Variants in ZNF469 observed in about 807,000 individuals in gnomAD.
The protein encoded by ZNF469 is zinc finger protein 469.
ZNF469 carries 1 observed loss-of-function variant against 1.0 expected under a neutral mutation model. The ratio of observed to expected loss-of-function variants is 1.00; its 90% CI spans 0.35 to 4.73. ZNF469 has a LOEUF of 4.73. ZNF469 is among the 30% of genes most tolerant of loss of function. ZNF469 has a pLI of 0.16. For missense variants in ZNF469, 6,100 were observed against 5,356.3 expected, an observed-to-expected ratio of 1.14 and a Z score of -4.33; for synonymous variants, 2,703 against 2,363.4, an observed-to-expected ratio of 1.14 and a Z score of -4.17.
intron 1 of ZNF469, among the ~76,000 whole-genome samples, chr16:88,401,396 C>T (rs1904847983): frequency 1.0e-5 from 1 of 99,716 alleles, no homozygotes; most frequent in African/African-American, 4.5e-5. Flanking sequence ...TACTTGCAGG[C>T]CCAAGACCCA....
intron 1 of ZNF469, among the ~76,000 whole-genome samples, chr16:88,417,114 T>C (rs1188009435): frequency 6.6e-6 from 1 of 152,158 alleles, no homozygotes; most frequent in Non-Finnish European, 1.5e-5. Context: ...GGAGGACTGT[T>C]TGTCTGCTGG....
chr16:88,270,264 C>G, the ZNF469 span, among the ~76,000 whole-genome samples: 1 of 152,176 alleles, frequency 6.6e-6, no homozygotes, highest in Non-Finnish European at 1.5e-5. Context: ...CTTCGGCCTC[C>G]CAGCCCTGCC....
chr16:88,127,119 G>A, the ZNF469 span, among the ~76,000 whole-genome samples: 3 of 152,062 alleles, frequency 2.0e-5, no homozygotes, highest in Non-Finnish European at 4.4e-5. Flanking sequence ...CACCACGCCC[G>A]GCCCAGTTTC....
At chr16:88,131,756 T>G in the ZNF469 span, among the ~76,000 whole-genome samples, 1 of 152,252 alleles carries the variant, frequency 6.6e-6, no homozygotes, top group Admixed American at 6.5e-5. Context: ...GTGGACACTC[T>G]GTCCAGGGAT....
At chr16:88,185,646 G>GA in the ZNF469 span, among the ~76,000 whole-genome samples, 1 of 146,544 alleles carries the variant, frequency 6.8e-6, no homozygotes, top group Non-Finnish European at 1.5e-5. Flanking sequence ...TCACACATGT[G>GA]AATATAGTAT....
At chr16:88,281,512 C>T in the ZNF469 span, among the ~76,000 whole-genome samples, 7 of 148,484 alleles carry the variant, frequency 4.7e-5, no homozygotes, top group Non-Finnish European at 7.4e-5. Context: ...CTGGGCCATG[C>T]TGACGCTTGG....
the ZNF469 span, among the ~76,000 whole-genome samples, chr16:88,290,599 A>G: frequency 5.9e-5 from 9 of 152,316 alleles, no homozygotes; most frequent in Non-Finnish European, 1.0e-4. Context: ...GAGAGTCTGA[A>G]CAATCCTAGT....
chr16:88,403,788 AAGCCC>A (rs1904949789), intron 1 of ZNF469, among the ~76,000 whole-genome samples: 1 of 152,206 alleles, frequency 6.6e-6, no homozygotes, highest in African/African-American at 2.4e-5. Flanking sequence ...CCTAGAGGCC[AAGCCC>A]TGGGCCTGTC....
chr16:88,261,098 G>C, the ZNF469 span, among the ~76,000 whole-genome samples: 16 of 152,242 alleles, frequency 1.1e-4, no homozygotes, highest in African/African-American at 3.9e-4. The surrounding 1 kb of genome is among the most constrained non-coding windows in gnomAD (Gnocchi z 6.0). Context: ...GTCCGGAGAG[G>C]CTCGAGCACG....
the ZNF469 span, among the ~76,000 whole-genome samples, chr16:88,289,361 T>C: frequency 1.3e-5 from 2 of 151,184 alleles, no homozygotes; most frequent in African/African-American, 4.9e-5. Flanking sequence ...TTGATGAGGG[T>C]GATGATGGTG....
chr16:88,135,753 T>TTTC, the ZNF469 span, among the ~76,000 whole-genome samples: 77 of 29,654 alleles, frequency 2.6e-3, 16 homozygotes, highest in Admixed American at 3.4e-3. Flanking sequence ...GCCATGTTTT[T>TTTC]TTTTTTTTTT....
At chr16:88,161,710 A>AG in the ZNF469 span, among the ~76,000 whole-genome samples, 1 of 152,194 alleles carries the variant, frequency 6.6e-6, no homozygotes, top group South Asian at 2.1e-4. Flanking sequence ...CAGTTTTGTA[A>AG]GGGGAAAAAA....
At chr16:88,230,062 C>A in the ZNF469 span, among the ~76,000 whole-genome samples, 2 of 152,218 alleles carry the variant, frequency 1.3e-5, no homozygotes, top group Non-Finnish European at 2.9e-5. Flanking sequence ...TTTCCAAAGT[C>A]CAGTGTCCCT....
chr16:88,231,832 A>G, the ZNF469 span, among the ~76,000 whole-genome samples: 1 of 152,166 alleles, frequency 6.6e-6, no homozygotes, highest in Admixed American at 6.5e-5. This position sits in a 1 kb window ranked among gnomAD's most constrained non-coding sequence, Gnocchi z 4.5. Context: ...AAATATCACC[A>G]GGGAACATAT....
At chr16:88,370,439 A>T in the ZNF469 span, among the ~76,000 whole-genome samples, 1 of 152,170 alleles carries the variant, frequency 6.6e-6, no homozygotes, top group Non-Finnish European at 1.5e-5. Flanking sequence ...ATTCAGTAGC[A>T]TGTGCGTGCT....
At chr16:88,160,587 T>C in the ZNF469 span, among the ~76,000 whole-genome samples, 876 of 152,232 alleles carry the variant, frequency 5.8e-3, 5 homozygotes, top group Non-Finnish European at 9.4e-3. Context: ...CCCTTTCGCT[T>C]TTCTCAACTC....
the ZNF469 span, among the ~76,000 whole-genome samples, chr16:88,274,932 C>T: frequency 2.6e-5 from 4 of 152,168 alleles, no homozygotes; most frequent in Admixed American, 1.3e-4. Context: ...TTACAAACAG[C>T]GTATACACGC....
the ZNF469 span, among the ~76,000 whole-genome samples, chr16:88,251,538 C>CTTTTTTTTTTT: frequency 1.6e-3 from 81 of 51,274 alleles, 17 homozygotes; most frequent in East Asian, 0.013. Flanking sequence ...TCCCTGCTGT[C>CTTTTTTTTTTT]TTTTTTTTTT....
chr16:88,157,141 C>T, the ZNF469 span, among the ~76,000 whole-genome samples: 2 of 151,974 alleles, frequency 1.3e-5, no homozygotes, highest in East Asian at 1.9e-4. Context: ...CTCATGAGCA[C>T]CAGGGCACAC....
Sources: allele counts gnomAD v4.1 joint callset (sites outside exome capture counted in the v4.1 genomes callset), GRCh38; gene constraint gnomAD v4.1.1; non-coding constraint Gnocchi (gnomAD v3.1); transcripts MANE v1.5; gene names NCBI Gene and HGNC (gene_info 2026-07-23, HGNC 2026-07-21).